MAGI2: variants seen among roughly 807,000 people sequenced by gnomAD.
The protein encoded by MAGI2 is membrane-associated guanylate kinase, WW and PDZ domain-containing protein 2.
MAGI2 carries 35 observed loss-of-function variants against 133.3 expected under a neutral mutation model. The ratio of observed to expected loss-of-function variants is 0.26; its 90% confidence interval spans 0.20 to 0.35. The LOEUF is 0.35. Ranked by LOEUF, MAGI2 falls within the 10% of genes least tolerant of loss-of-function variation. The pLI is 1.00. For synonymous variants in MAGI2, 729 were observed against 710.6 expected (o/e 1.03, Z -0.41); for missense variants, 1,636 against 1,863.4 (o/e 0.88, Z 2.25).
Position 79,324,578 on chromosome 7 carries a change from C to T in MAGI2, c.301+128442G>A, listed in dbSNP as rs1208824627. ...ATATACACATATAACCATATATATA[C>T]ACCATATATATATAACAATATATAT... On this transcript the variant is annotated intron_variant, in intron 1 of 21. Transcript: ENST00000354212. 6.1e-5 allele frequency among the ~76,000 whole-genome samples: 3 copies of T among 49,528 alleles called. 1 individual carries two copies. Among genetic ancestry groups the T allele is most frequent in the South Asian group, 4.8e-4 (1 of 2,070 alleles). 32.5% of individuals were successfully genotyped at this position (49,528 alleles called of 152,430 possible).
intron 1 of MAGI2, among the ~76,000 whole-genome samples, chr7:79,425,804 G>C (rs970264408): frequency 1.3e-5 from 2 of 151,608 alleles, no homozygotes; most frequent in Non-Finnish European, 2.9e-5. Context: ...GGAAAAGAGG[G>C]GGAGAAAGAC....
At chr7:78,841,806 G>A (rs776675753) in intron 2 of MAGI2, among the ~76,000 whole-genome samples, 47 of 151,980 alleles carry the variant, frequency 3.1e-4, no homozygotes, top group Admixed American at 9.9e-4. Flanking sequence ...TTCTTCATCT[G>A]GAAATCATTT....
intron 2 of MAGI2, among the ~76,000 whole-genome samples, chr7:78,783,230 T>C (rs1055333700): frequency 6.6e-6 from 1 of 152,044 alleles, no homozygotes; most frequent in African/African-American, 2.4e-5. Context: ...GGTTGATCAG[T>C]AAGAATTTTG....
chr7:78,716,444 A>G (rs1819711691), intron 2 of MAGI2, among the ~76,000 whole-genome samples: 1 of 152,192 alleles, frequency 6.6e-6, no homozygotes, highest in South Asian at 2.1e-4. Flanking sequence ...GAAAAATAGC[A>G]AAACTGTTCC....
chr7:78,972,578 A>G (rs980357854), intron 2 of MAGI2, among the ~76,000 whole-genome samples: 1 of 151,892 alleles, frequency 6.6e-6, no homozygotes, highest in African/African-American at 2.4e-5. Context: ...ATAGTGCAGA[A>G]TTGAGGTAGA....
At chr7:78,531,497 C>T (rs1393961928) in intron 3 of MAGI2, among the ~76,000 whole-genome samples, 1 of 152,120 alleles carries the variant, frequency 6.6e-6, no homozygotes, top group Non-Finnish European at 1.5e-5. Context: ...CAGGCATGCG[C>T]CACCACACCT....
chr7:79,136,102 A>G (rs1419983939), intron 1 of MAGI2, among the ~76,000 whole-genome samples: 1 of 149,224 alleles, frequency 6.7e-6, no homozygotes, highest in Non-Finnish European at 1.5e-5. Flanking sequence ...AGAAAGAAAG[A>G]AAGAAAGAAA....
At chr7:78,346,073 C>A in intron 7 of MAGI2, 30 bp from the exon 8 acceptor site, 1 of 1,612,680 alleles carries the variant, frequency 6.2e-7, no homozygotes, top group Non-Finnish European at 8.5e-7. Flanking sequence ...ATTAGGATAA[C>A]CGTGGGGCAA....
intron 16 of MAGI2, among the ~76,000 whole-genome samples, chr7:78,159,075 C>T (rs569359717): frequency 6.6e-6 from 1 of 152,262 alleles, no homozygotes; most frequent in African/African-American, 2.4e-5. Flanking sequence ...AAGCCCCTAC[C>T]CACCAAATTA....
intron 2 of MAGI2, among the ~76,000 whole-genome samples, chr7:78,985,612 A>G (rs1805183704): frequency 6.6e-6 from 1 of 151,962 alleles, no homozygotes. Flanking sequence ...CTTGGTAAGC[A>G]TTATTTCTTT....
intron 4 of MAGI2, among the ~76,000 whole-genome samples, chr7:78,508,589 A>C (rs1795296405): frequency 6.6e-6 from 1 of 152,188 alleles, no homozygotes; most frequent in Non-Finnish European, 1.5e-5. Context: ...CACGCCAACC[A>C]AGCTTGCCTG....
chr7:78,697,039 T>A (rs1432596754), intron 2 of MAGI2, among the ~76,000 whole-genome samples: 1 of 152,238 alleles, frequency 6.6e-6, no homozygotes, highest in Non-Finnish European at 1.5e-5. Context: ...GTGGATCATG[T>A]ATTTTTAAAT....
At chr7:79,058,018 GT>G (rs1562842259) in intron 1 of MAGI2, among the ~76,000 whole-genome samples, 2 of 151,340 alleles carry the variant, frequency 1.3e-5, no homozygotes, top group African/African-American at 4.9e-5. Flanking sequence ...GGAAAAGCTG[GT>G]TTTTGAAAAT....
intron 2 of MAGI2, among the ~76,000 whole-genome samples, chr7:78,658,813 C>A (rs1391250604): frequency 6.6e-6 from 1 of 152,062 alleles, no homozygotes; most frequent in African/African-American, 2.4e-5. Flanking sequence ...AGTGACAATG[C>A]AAAATTGTGG....
chr7:78,086,301 G>A (rs552979817), intron 20 of MAGI2, among the ~76,000 whole-genome samples: 17 of 145,804 alleles, frequency 1.2e-4, no homozygotes, highest in African/African-American at 3.1e-4. Context: ...GCAGTGGCAC[G>A]ATCTTGGCCC....
At chr7:78,151,079 T>C (rs1823823644) in intron 16 of MAGI2, among the ~76,000 whole-genome samples, 1 of 147,420 alleles carries the variant, frequency 6.8e-6, no homozygotes, top group Admixed American at 6.8e-5. Flanking sequence ...TATATTTATA[T>C]TTATATTTAT....
At chr7:79,200,388 T>C (rs12670407) in intron 1 of MAGI2, among the ~76,000 whole-genome samples, 25,162 of 150,882 alleles carry the variant, frequency 0.17, 5,237 homozygotes, top group African/African-American at 0.49. Context: ...GGATCACTTA[T>C]GCTCAGGAAT....
intron 1 of MAGI2, among the ~76,000 whole-genome samples, chr7:79,287,995 T>A (rs1426484254): frequency 1.3e-5 from 2 of 152,146 alleles, no homozygotes; most frequent in East Asian, 1.9e-4. Context: ...TTAATTCCAC[T>A]ACTCAGAGAT....
chr7:78,966,372 C>T (rs577296423), intron 2 of MAGI2, among the ~76,000 whole-genome samples: 1 of 152,226 alleles, frequency 6.6e-6, no homozygotes, highest in East Asian at 1.9e-4. Context: ...CGTCATTCTA[C>T]TGTGCTTCTG....
Sources: allele counts gnomAD v4.1 joint callset (sites outside exome capture counted in the v4.1 genomes callset), GRCh38; gene constraint gnomAD v4.1.1; transcripts MANE v1.5; gene names NCBI Gene and HGNC (gene_info 2026-07-23, HGNC 2026-07-21).